Variants in SYNDIG1 observed in about 807,000 individuals in gnomAD.
SYNDIG1 encodes the protein synapse differentiation-inducing gene protein 1.
In SYNDIG1, 9 loss-of-function variants were observed where a neutral mutation model predicts 19.4. The ratio of observed to expected loss-of-function variants is 0.46; its 90% CI spans 0.28 to 0.81. The LOEUF (loss-of-function observed/expected upper bound fraction) is 0.81, where lower values mean the gene tolerates loss of function less well. SYNDIG1 is among the 30% of genes least tolerant of loss of function. SYNDIG1 has a pLI of 0.12. For missense variants in SYNDIG1, 311 were observed against 343.3 expected, an observed-to-expected ratio of 0.91 and a Z score of 0.74; for synonymous variants, 141 against 145.9, an observed-to-expected ratio of 0.97 and a Z score of 0.24.
intron 1 of SYNDIG1, among the ~76,000 whole-genome samples, chr20:24,481,924 G>GA (rs926459016): frequency 6.6e-6 from 1 of 151,392 alleles, no homozygotes; most frequent in African/African-American, 2.4e-5. Flanking sequence ...AATCCCAAGT[G>GA]AAAAAAAATT....
At chr20:24,523,378 C>A (rs1396295271) in intron 1 of SYNDIG1, among the ~76,000 whole-genome samples, 1 of 152,134 alleles carries the variant, frequency 6.6e-6, no homozygotes, top group Non-Finnish European at 1.5e-5. Context: ...TGATGATGAC[C>A]ACAACAACAA....
At chr20:24,562,678 T>C (rs925537564) in intron 2 of SYNDIG1, among the ~76,000 whole-genome samples, 5 of 152,172 alleles carry the variant, frequency 3.3e-5, no homozygotes, top group African/African-American at 1.2e-4. Flanking sequence ...TCTATCCAAA[T>C]GTGTGTGCTG....
At chr20:24,645,184 T>G (rs2059411676) in intron 3 of SYNDIG1, among the ~76,000 whole-genome samples, 1 of 152,226 alleles carries the variant, frequency 6.6e-6, no homozygotes, top group South Asian at 2.1e-4. Context: ...TGCTCTCTCC[T>G]GGTGGTGAAG....
chr20:24,512,402 G>A (rs1568599213), intron 1 of SYNDIG1, among the ~76,000 whole-genome samples: 1 of 151,756 alleles, frequency 6.6e-6, no homozygotes, highest in Non-Finnish European at 1.5e-5. Context: ...AAAGGAAGAG[G>A]TGATAGACAG....
chr20:24,551,600 T>C (rs1449858861), intron 2 of SYNDIG1, among the ~76,000 whole-genome samples: 2 of 152,120 alleles, frequency 1.3e-5, no homozygotes, highest in African/African-American at 2.4e-5. Flanking sequence ...TTGACATTTG[T>C]TTCTTCTTAT....
At chr20:24,646,662 C>G (rs2059425562) in intron 3 of SYNDIG1, among the ~76,000 whole-genome samples, 1 of 151,850 alleles carries the variant, frequency 6.6e-6, no homozygotes, top group Non-Finnish European at 1.5e-5. Context: ...CACTCTGTCA[C>G]CGAGGCTGGA....
chr20:24,604,806 A>G (rs1215128109), intron 3 of SYNDIG1, among the ~76,000 whole-genome samples: 2 of 152,170 alleles, frequency 1.3e-5, no homozygotes, highest in African/African-American at 4.8e-5. Context: ...TCTTTCTGGC[A>G]TGAAGTCCAA....
chr20:24,499,840 T>A (rs2056396701), intron 1 of SYNDIG1, among the ~76,000 whole-genome samples: 1 of 152,230 alleles, frequency 6.6e-6, no homozygotes, highest in African/African-American at 2.4e-5. Context: ...TTATACATAG[T>A]TCATATCAAT....
chr20:24,500,527 TTTC>T (rs1568588088), intron 1 of SYNDIG1, among the ~76,000 whole-genome samples: 48 of 144,120 alleles, frequency 3.3e-4, no homozygotes, highest in African/African-American at 8.3e-4. Flanking sequence ...TCTTTCTTTC[TTTC>T]TTCTTTCTTT....
chr20:24,488,938 C>A (rs1333990749), intron 1 of SYNDIG1, among the ~76,000 whole-genome samples: 1 of 152,182 alleles, frequency 6.6e-6, no homozygotes, highest in Admixed American at 6.6e-5. Flanking sequence ...TCAGGATTTT[C>A]CTCCTGTTCT....
chr20:24,500,795 C>T (rs1371104648), intron 1 of SYNDIG1, among the ~76,000 whole-genome samples: 1 of 152,120 alleles, frequency 6.6e-6, no homozygotes, highest in African/African-American at 2.4e-5. Flanking sequence ...CCAAGGAGGA[C>T]ACTGCAGAGT....
Position 24,608,023 on chromosome 20 carries a change from G to A in SYNDIG1, c.618+23030G>A, listed in dbSNP as rs551625918. ...GTCAGAGCACATTCAAAACATCTTC[G>A]GCAGCTAAACCCTCTAGTCTCCAGT... is the stretch of plus-strand genomic sequence containing the variant. On this transcript the variant is annotated intron_variant, in intron 3 of 3. Transcript: ENST00000376862. Among the ~76,000 whole-genome samples the A allele has an allele frequency of 3.3e-5, 5 of 152,104 alleles. No individual in the cohort carries two copies. The East Asian group carries it at 5.8e-4, about 18-fold the overall frequency.
chr20:24,470,633 G>A (rs995736268), intron 1 of SYNDIG1, among the ~76,000 whole-genome samples: 1 of 152,224 alleles, frequency 6.6e-6, no homozygotes, highest in African/African-American at 2.4e-5. Context: ...TTTTCTTAGG[G>A]AAGGGGCTTT....
intron 1 of SYNDIG1, chr20:24,502,327 C>G (rs943894881): frequency 1.3e-5 from 2 of 152,260 alleles, no homozygotes; most frequent in African/African-American, 4.8e-5. Context: ...CTGCTTTCTC[C>G]CCATCACTAA....
chr20:24,560,801 T>C (rs1442803713), intron 2 of SYNDIG1, among the ~76,000 whole-genome samples: 2 of 151,138 alleles, frequency 1.3e-5, no homozygotes, highest in Non-Finnish European at 2.9e-5. Context: ...ACAACTTGAA[T>C]GATATAGCAT....
chr20:24,543,257 G>C lies in SYNDIG1; in HGVS notation c.160G>C (p.Gly54Arg), dbSNP rs6083553. The change falls in exon 2 of 4, where the codon GGG (glycine) becomes CGG (arginine). Residue 54 changes from glycine to arginine, a missense_variant. Coordinates refer to ENST00000376862, the MANE Select transcript of SYNDIG1 (RefSeq NM_024893.3). ...PAPQYQSHRV[G>R]ASTVPASLDS... is the part of the protein sequence containing the mutation. ...GCCCCAGTACCAGAGCCACCGGGTG[G>C]GGGCCAGCACAGTGCCGGCCAGCCT... The C allele has an allele frequency of 1.9e-6, 3 of 1,613,694 alleles. No homozygotes were observed. The highest frequency in any genetic ancestry group is 2.7e-5 in the African/African-American group (2 of 75,020).
In SYNDIG1 at chr20:24,542,491, A is replaced by G. The variant is rs1026702088; in HGVS notation, c.-78-529A>G. On this transcript the variant is annotated intron_variant, in intron 1 of 3. Coordinates refer to ENST00000376862, the MANE Select transcript of SYNDIG1 (RefSeq NM_024893.3). ...AGTGGCCAACTATAGAGAGCACCCTAGGAGACCAAGCTGTGCCTCTCTCAA... is the reference window on the plus strand; with the variant it reads ...AGTGGCCAACTATAGAGAGCACCCTGGGAGACCAAGCTGTGCCTCTCTCAA... Among the ~76,000 whole-genome samples the G allele has an allele frequency of 3.3e-5, 5 of 152,326 alleles. No individual in the cohort carries two copies. The East Asian group carries it at 9.7e-4, about 29-fold the overall frequency.
chr20:24,631,109 T>A (rs189965857), intron 3 of SYNDIG1, among the ~76,000 whole-genome samples: 4 of 152,220 alleles, frequency 2.6e-5, no homozygotes, highest in Non-Finnish European at 4.4e-5. Flanking sequence ...AAGTCCCAGC[T>A]GGGGAGCCTC....
At chr20:24,632,992 G>T (rs377568998) in intron 3 of SYNDIG1, among the ~76,000 whole-genome samples, 1 of 150,424 alleles carries the variant, frequency 6.6e-6, no homozygotes, top group African/African-American at 2.5e-5. Flanking sequence ...AGTTACCACA[G>T]GCTTTCATAT....
Sources: gnomAD v4.1 joint callset for allele counts (sites outside exome capture counted in the v4.1 genomes callset) on GRCh38, gnomAD v4.1.1 for gene constraint, MANE v1.5 for transcripts, NCBI Gene and HGNC (gene_info 2026-07-23, HGNC 2026-07-21) for gene names.